Variants in PFDN2 observed in about 807,000 individuals in gnomAD.
PFDN2 encodes the protein prefoldin subunit 2, also known as prefoldin 2.
A neutral mutation model predicts 18.3 loss-of-function variants in PFDN2; 7 were observed. The ratio of observed to expected loss-of-function variants is 0.38; its 90% CI spans 0.22 to 0.72. The LOEUF (loss-of-function observed/expected upper bound fraction) is 0.72, where lower values mean the gene tolerates loss of function less well. Ranked by LOEUF, PFDN2 falls within the 30% of genes least tolerant of loss-of-function variation. PFDN2 has a pLI of 0.47. For missense variants in PFDN2, 181 were observed against 199.1 expected (o/e 0.91, Z 0.55); for synonymous variants, 76 against 75.0 (o/e 1.01, Z -0.07).
Position 161,118,002 on chromosome 1 carries a change from C to G in PFDN2, c.25G>C (p.Gly9Arg), listed in dbSNP as rs774132214. 7.1e-5 allele frequency: 115 copies of G among 1,612,276 alleles called. 1 individual carries two copies. Among genetic ancestry groups the G allele is most frequent in the Admixed American group, 1.2e-4 (7 of 59,944 alleles). Residue 9 changes from glycine (G) to arginine (R), a missense_variant, in exon 1 of 4, where the codon GGC becomes CGC. Transcript: ENST00000368010. ...CCCGCGCCGCTCCCGCTGCTCTTGC[C>G]GGCGCGACCGCTGTTCTCCGCCATC... MAENSGRA[G>R]KSSGSGAGKG...
At chr1:161,117,268 TAA>T (rs1323007354) in intron 1 of PFDN2, among the ~76,000 whole-genome samples, 1 of 152,234 alleles carries the variant, frequency 6.6e-6, no homozygotes, top group Non-Finnish European at 1.5e-5. Flanking sequence ...AAGTAGCTGT[TAA>T]CTGTTTTCAT....
chr1:161,100,956 C>CCTG, intron 3 of PFDN2, 97 bp from the exon 4 acceptor site: 1 of 869,946 alleles, frequency 1.1e-6, no homozygotes, highest in Non-Finnish European at 1.8e-6. Context: ...CACATTTAAC[C>CCTG]TTACCTTTAA....
At chr1:161,117,889 C>A (rs1655010949) in intron 1 of PFDN2, 63 bp downstream of exon 1, 2 of 1,390,018 alleles carry the variant, frequency 1.4e-6, no homozygotes, top group Admixed American at 2.0e-5. Context: ...GCCACAGGCT[C>A]CCCCTTCTCG....
At chr1:161,117,804 TCGGC>T in intron 1 of PFDN2, 144 bp downstream of exon 1, 1 of 705,616 alleles carries the variant, frequency 1.4e-6, no homozygotes, top group South Asian at 2.0e-5. Context: ...CCGAAGGGGT[TCGGC>T]TAGCTTTTCC....
At chr1:161,110,983 G>T (rs1654795119) in intron 1 of PFDN2, among the ~76,000 whole-genome samples, 1 of 151,036 alleles carries the variant, frequency 6.6e-6, no homozygotes, top group Non-Finnish European at 1.5e-5. Flanking sequence ...GGGACTACAG[G>T]CGCCCGCCAA....
At chr1:161,111,492 C>A (rs1387993256) in intron 1 of PFDN2, among the ~76,000 whole-genome samples, 2 of 152,150 alleles carry the variant, frequency 1.3e-5, no homozygotes, top group Middle Eastern at 3.2e-3. Flanking sequence ...CTGGACTATA[C>A]CCACTAAAAG....
intron 1 of PFDN2, 120 bp downstream of exon 1, chr1:161,117,830 CCT>C: frequency 1.1e-6 from 1 of 907,672 alleles, no homozygotes; most frequent in South Asian, 1.7e-5. Flanking sequence ...GGGACCCTTC[CCT>C]CTCTAGGTGC....
chr1:161,113,207 T>A (rs1270442249), intron 1 of PFDN2, among the ~76,000 whole-genome samples: 1 of 152,226 alleles, frequency 6.6e-6, no homozygotes, highest in East Asian at 1.9e-4. Flanking sequence ...AAGACCTCTA[T>A]GGCCTTATTC....
In PFDN2 at chr1:161,100,594, T is replaced by C; in HGVS notation, c.*89A>G. 1.0e-6 allele frequency: 1 copy of C among 987,994 alleles called. No individual in the cohort carries two copies. The highest frequency in any genetic ancestry group is 1.4e-6 in the Non-Finnish European group (1 of 690,148). 61.2% of individuals were successfully genotyped at this position (987,994 alleles called of 1,614,324 possible). Reference sequence around the variant, plus strand: ...AAAACATTTAATTAACAAAAAAATATTACAATAGCAGAGAAAATAATAATA... The same window carrying C: ...AAAACATTTAATTAACAAAAAAATACTACAATAGCAGAGAAAATAATAATA... On this transcript the variant is annotated 3_prime_UTR_variant, in exon 4 of 4. Coordinates refer to ENST00000368010, the MANE Select transcript of PFDN2 (RefSeq NM_012394.4).
Position 161,100,873 on chromosome 1 carries a change from G to A in PFDN2, c.289-14C>T. ...GATCTTCTGTATCTAGAGGACAAGTGACAGGGATTATATAAGGAATTCAGG... is the reference window on the plus strand; with the variant it reads ...GATCTTCTGTATCTAGAGGACAAGTAACAGGGATTATATAAGGAATTCAGG... On this transcript the variant is annotated splice_polypyrimidine_tract_variant and intron_variant, in intron 3 of 3. Coordinates refer to ENST00000368010, the MANE Select transcript of PFDN2 (RefSeq NM_012394.4). The A allele has an allele frequency of 6.2e-7, 1 of 1,602,288 alleles. No individual in the cohort carries two copies. Among genetic ancestry groups the A allele is most frequent in the Non-Finnish European group, 8.5e-7 (1 of 1,170,042 alleles).
intron 1 of PFDN2, among the ~76,000 whole-genome samples, chr1:161,115,325 A>G (rs776231676): frequency 2.6e-5 from 4 of 152,172 alleles, no homozygotes; most frequent in African/African-American, 4.8e-5. Flanking sequence ...CGGTATCCCA[A>G]AGTGCTGGGA....
At chr1:161,113,191 C>A (rs1460339383) in intron 1 of PFDN2, among the ~76,000 whole-genome samples, 1 of 152,170 alleles carries the variant, frequency 6.6e-6, no homozygotes, top group Non-Finnish European at 1.5e-5. Context: ...CTTTGGCATG[C>A]ACTCAAAGAC....
intron 1 of PFDN2, among the ~76,000 whole-genome samples, chr1:161,110,690 T>C (rs751155808): frequency 3.3e-5 from 5 of 152,104 alleles, no homozygotes; most frequent in Non-Finnish European, 2.9e-5. Flanking sequence ...GGGATACTGC[T>C]CCACTAATTA....
At chr1:161,103,837 A>G (rs1476093525) in intron 1 of PFDN2, among the ~76,000 whole-genome samples, 1 of 151,954 alleles carries the variant, frequency 6.6e-6, no homozygotes, top group East Asian at 1.9e-4. Context: ...GTGTGGGGGG[A>G]AAAAATGAAA....
intron 1 of PFDN2, among the ~76,000 whole-genome samples, chr1:161,109,867 C>T (rs542810700): frequency 4.0e-4 from 60 of 151,366 alleles, no homozygotes; most frequent in Non-Finnish European, 6.2e-4. Flanking sequence ...CTGGCCAACA[C>T]GGTGAAACCC....
chr1:161,100,922 G>T, intron 3 of PFDN2, 63 bp from the exon 4 acceptor site: 2 of 1,248,370 alleles, frequency 1.6e-6, no homozygotes, highest in Non-Finnish European at 2.3e-6. Flanking sequence ...ACCTGGAATG[G>T]ACTATGGTTG....
intron 1 of PFDN2, among the ~76,000 whole-genome samples, chr1:161,108,554 G>A (rs1374515597): frequency 6.7e-6 from 1 of 148,704 alleles, no homozygotes; most frequent in Admixed American, 6.7e-5. Context: ...AATAGAGTGA[G>A]ACTCCATCTC....
intron 3 of PFDN2, 26 bp downstream of exon 3, chr1:161,102,022 G>T: frequency 6.2e-7 from 1 of 1,613,474 alleles, no homozygotes. Context: ...CACTGTACCC[G>T]ATCCTATTCA....
intron 1 of PFDN2, among the ~76,000 whole-genome samples, chr1:161,104,309 T>C (rs1238669976): frequency 6.6e-6 from 1 of 152,060 alleles, no homozygotes; most frequent in African/African-American, 2.4e-5. Flanking sequence ...GTGGACTCAA[T>C]CCATTCAAAC....
Sources: allele counts gnomAD v4.1 joint callset (sites outside exome capture counted in the v4.1 genomes callset), GRCh38; gene constraint gnomAD v4.1.1; transcripts MANE v1.5; gene names NCBI Gene and HGNC (gene_info 2026-07-23, HGNC 2026-07-21).